The following CSMD1 variants were observed in gnomAD, a reference collection of about 807,000 sequenced individuals.
The protein encoded by CSMD1 is CUB and sushi domain-containing protein 1.
In CSMD1, 213 loss-of-function variants were observed where a neutral mutation model predicts 417.5. That is an observed-to-expected ratio of 0.51 (90% CI 0.46 to 0.57). CSMD1 has a LOEUF of 0.57. Among genes scored for constraint, CSMD1 ranks in the 20% least tolerant of loss-of-function variants. The probability of loss-of-function intolerance (pLI) is 0.00; values close to 1 mark genes in which losing one functional copy is unlikely to be tolerated. For synonymous variants in CSMD1, 2,862 were observed against 1,736.8 expected (o/e 1.65, Z -16.11); for missense variants, 6,923 against 4,529.7 (o/e 1.53, Z -15.17).
In CSMD1 at chr8:3,586,277, G is replaced by C. The variant is rs199950710; in HGVS notation, c.1098-17C>G. 1 of 1,377,720 alleles carries C rather than the reference G, an allele frequency of 7.3e-7. No homozygotes were observed. Among genetic ancestry groups the C allele is most frequent in the South Asian group, 1.4e-5 (1 of 70,140 alleles). The allele number at this position is 1,377,720 out of a possible 1,614,324, so 85.3% of individuals were successfully genotyped here. On this transcript the variant is annotated splice_polypyrimidine_tract_variant and intron_variant, in intron 8 of 69. Transcript: ENST00000635120. ...GCACCAACCCTAAGCCGTTAAAAAAGAAAAAAAAAAACCCAAATTATTTAC... is the reference window on the plus strand; with the variant it reads ...GCACCAACCCTAAGCCGTTAAAAAACAAAAAAAAAAACCCAAATTATTTAC...
At chr8:4,716,525 C>T (rs1228537137) in intron 1 of CSMD1, among the ~76,000 whole-genome samples, 2 of 152,186 alleles carry the variant, frequency 1.3e-5, no homozygotes, top group Non-Finnish European at 2.9e-5. Flanking sequence ...TATGTTTACA[C>T]TTACCTACTT....
At chr8:3,778,999 C>A (rs1487360333) in intron 5 of CSMD1, among the ~76,000 whole-genome samples, 1 of 152,160 alleles carries the variant, frequency 6.6e-6, no homozygotes, top group Non-Finnish European at 1.5e-5. Context: ...TTTCTAGGCT[C>A]AGATCAGCTC....
intron 5 of CSMD1, among the ~76,000 whole-genome samples, chr8:3,851,265 G>T (rs1310173712): frequency 6.6e-6 from 1 of 152,182 alleles, no homozygotes; most frequent in African/African-American, 2.4e-5. Context: ...GCATATCAGG[G>T]CAACACAAAG....
At chr8:4,826,713 C>T (rs144315555) in intron 1 of CSMD1, among the ~76,000 whole-genome samples, 5 of 152,130 alleles carry the variant, frequency 3.3e-5, no homozygotes, top group South Asian at 2.1e-4. Flanking sequence ...CTCTGCCTTT[C>T]GTGACCCTCA....
intron 10 of CSMD1, among the ~76,000 whole-genome samples, chr8:3,571,638 G>T (rs1020121527): frequency 1.3e-5 from 2 of 151,984 alleles, no homozygotes; most frequent in African/African-American, 4.8e-5. Context: ...AGGTCCAAGG[G>T]AATCCGGTGT....
At chr8:4,034,737 A>G (rs1307575176) in intron 3 of CSMD1, among the ~76,000 whole-genome samples, 1 of 152,244 alleles carries the variant, frequency 6.6e-6, no homozygotes, top group African/African-American at 2.4e-5. Flanking sequence ...AATGTCCAGG[A>G]ATATTTAAAA....
chr8:3,301,394 T>G (rs1048274747), intron 25 of CSMD1, among the ~76,000 whole-genome samples: 2 of 152,088 alleles, frequency 1.3e-5, no homozygotes, highest in Admixed American at 6.6e-5. Flanking sequence ...CTAGTGAAAC[T>G]TGCCCTGGAG....
intron 37 of CSMD1, among the ~76,000 whole-genome samples, chr8:3,167,862 T>G (rs1489177600): frequency 6.6e-6 from 1 of 152,182 alleles, no homozygotes; most frequent in Non-Finnish European, 1.5e-5. Context: ...CAGGCAAAAT[T>G]CTGAGAATAG....
At chr8:3,056,168 A>C (rs1170367212) in intron 49 of CSMD1, among the ~76,000 whole-genome samples, 1 of 152,242 alleles carries the variant, frequency 6.6e-6, no homozygotes, top group Non-Finnish European at 1.5e-5. Flanking sequence ...GTAAGTTGGT[A>C]GGTAGTAAGA....
At chr8:4,401,308 T>C (rs1486576585) in intron 3 of CSMD1, among the ~76,000 whole-genome samples, 2 of 152,226 alleles carry the variant, frequency 1.3e-5, no homozygotes, top group African/African-American at 4.8e-5. Context: ...ATAATATTTC[T>C]ACAGGAATAA....
intron 2 of CSMD1, among the ~76,000 whole-genome samples, chr8:4,577,596 G>C (rs180804905): frequency 2.6e-5 from 4 of 152,172 alleles, no homozygotes; most frequent in Non-Finnish European, 5.9e-5. Flanking sequence ...GCAGGATCCA[G>C]TATCTCTTCT....
intron 12 of CSMD1, among the ~76,000 whole-genome samples, chr8:3,451,568 A>G (rs1815718387): frequency 6.6e-6 from 1 of 152,252 alleles, no homozygotes; most frequent in Non-Finnish European, 1.5e-5. Context: ...TTTATTAAAT[A>G]GGGAATCCTT....
chr8:3,316,195 G>T (rs865791015), intron 23 of CSMD1, among the ~76,000 whole-genome samples: 17 of 152,222 alleles, frequency 1.1e-4, no homozygotes, highest in Non-Finnish European at 1.0e-4. Flanking sequence ...CTTGTACAAG[G>T]TGGTAAGAAC....
intron 3 of CSMD1, among the ~76,000 whole-genome samples, chr8:4,363,253 C>T (rs908888204): frequency 6.6e-6 from 1 of 152,166 alleles, no homozygotes; most frequent in Non-Finnish European, 1.5e-5. Context: ...TTTTCTTTTT[C>T]CATTATCACC....
At chr8:4,397,411 A>C (rs1026056657) in intron 3 of CSMD1, among the ~76,000 whole-genome samples, 3 of 152,188 alleles carry the variant, frequency 2.0e-5, no homozygotes, top group Non-Finnish European at 2.9e-5. Context: ...ATTCAAAATA[A>C]GAAATCATTA....
intron 1 of CSMD1, among the ~76,000 whole-genome samples, chr8:4,978,135 C>A (rs947751038): frequency 2.6e-5 from 4 of 152,138 alleles, no homozygotes; most frequent in Non-Finnish European, 5.9e-5. Context: ...GTCTCAGTCA[C>A]GTGGCCCTGG....
At chr8:3,787,956 G>C (rs1461873074) in intron 5 of CSMD1, among the ~76,000 whole-genome samples, 4 of 152,086 alleles carry the variant, frequency 2.6e-5, no homozygotes, top group Admixed American at 1.3e-4. Context: ...TCCTTGCATG[G>C]GCTCCTAATG....
intron 3 of CSMD1, among the ~76,000 whole-genome samples, chr8:4,148,646 G>C (rs531173571): frequency 7.2e-5 from 11 of 152,242 alleles, no homozygotes; most frequent in Admixed American, 4.6e-4. Flanking sequence ...TCCTCACCTT[G>C]TGGATGGCAG....
intron 1 of CSMD1, among the ~76,000 whole-genome samples, chr8:4,965,778 A>T (rs1268359812): frequency 6.6e-6 from 1 of 152,214 alleles, no homozygotes; most frequent in Non-Finnish European, 1.5e-5. Flanking sequence ...AACTGCCCAG[A>T]ATTCAATCTA....
Sources: gnomAD v4.1 joint callset for allele counts (sites outside exome capture counted in the v4.1 genomes callset) on GRCh38, gnomAD v4.1.1 for gene constraint, MANE v1.5 for transcripts, NCBI Gene and HGNC (gene_info 2026-07-23, HGNC 2026-07-21) for gene names.